The following SEMA3D variants were observed in gnomAD, a reference collection of about 807,000 sequenced individuals.
SEMA3D encodes the protein semaphorin 3D, also known as semaphorin-3D.
Under a neutral mutation model 100.1 loss-of-function variants are expected in SEMA3D, and 84 were observed. The observed-to-expected ratio is 0.84, with a 90% confidence interval of 0.70 to 1.01. SEMA3D has a LOEUF of 1.01. Among genes scored for constraint, SEMA3D ranks in the 50% least tolerant of loss-of-function variants. The pLI is 0.00. For synonymous variants in SEMA3D, 312 were observed against 320.7 expected (o/e 0.97, Z 0.29); for missense variants, 875 against 934.1 (o/e 0.94, Z 0.82).
chr7:85,230,065 T>C, the SEMA3D span, among the ~76,000 whole-genome samples: 1 of 152,192 alleles, frequency 6.6e-6, no homozygotes, highest in Non-Finnish European at 1.5e-5. Context: ...CTCTTACTAC[T>C]TCCAGATAAA....
chr7:85,100,081 A>G (rs1375794859), intron 3 of SEMA3D, among the ~76,000 whole-genome samples: 1 of 152,008 alleles, frequency 6.6e-6, no homozygotes, highest in Non-Finnish European at 1.5e-5. Context: ...AAAGAAAGAA[A>G]CTGAATCCCA....
intron 17 of SEMA3D, among the ~76,000 whole-genome samples, chr7:85,008,634 A>T (rs1427628484): frequency 2.0e-5 from 3 of 151,890 alleles, no homozygotes; most frequent in East Asian, 3.9e-4. Context: ...CACAGACATA[A>T]ACCACAAGTG....
chr7:85,184,984 A>T (rs1791501314), intron 1 of SEMA3D, among the ~76,000 whole-genome samples: 1 of 152,202 alleles, frequency 6.6e-6, no homozygotes, highest in South Asian at 2.1e-4. Context: ...GGAGAAGGAA[A>T]AGGAGAAGGG....
chr7:85,129,453 A>AT (rs1044091492), intron 2 of SEMA3D, among the ~76,000 whole-genome samples: 14 of 152,064 alleles, frequency 9.2e-5, no homozygotes, highest in Admixed American at 3.9e-4. Flanking sequence ...AAAAATTGAA[A>AT]TTTTTTTGTT....
At chr7:85,195,290 T>C in the SEMA3D span, among the ~76,000 whole-genome samples, 27 of 152,148 alleles carry the variant, frequency 1.8e-4, no homozygotes, top group Non-Finnish European at 3.4e-4. Flanking sequence ...TGGGCCTCTG[T>C]AGCTAGCAGC....
chr7:85,145,622 C>T (rs1554348027), intron 2 of SEMA3D, among the ~76,000 whole-genome samples: 2 of 151,546 alleles, frequency 1.3e-5, no homozygotes, highest in South Asian at 4.2e-4. Flanking sequence ...TTTAATAATA[C>T]AAAAAGCCAA....
rs759161669 is a variant in SEMA3D at position 84,999,755 on chromosome 7, G to A, written c.2019C>T (p.Ile673=). ...YYCKAQEHTF[I]HTIVKLTLNV... ...TCAAAGTCAGCTTCACTATGGTGTG[G>A]ATGAAAGTGTGCTCCTGGGCTTTGC... is the stretch of plus-strand genomic sequence containing the variant. Residue 673 remains isoleucine, a synonymous_variant, in exon 19 of 19, where the codon ATC becomes ATT. Transcript: ENST00000284136. 2.5e-6 allele frequency: 4 copies of A among 1,613,996 alleles called. No individual in the cohort carries two copies. Among genetic ancestry groups the A allele is most frequent in the Non-Finnish European group, 3.4e-6 (4 of 1,179,994 alleles).
chr7:85,109,593 T>C (rs1051490496), intron 3 of SEMA3D, among the ~76,000 whole-genome samples: 1 of 151,982 alleles, frequency 6.6e-6, no homozygotes. Context: ...TATGCCTCTT[T>C]TGAATTAGTT....
chr7:85,190,087 A>G (rs1791660066), upstream of SEMA3D, among the ~76,000 whole-genome samples: 1 of 152,136 alleles, frequency 6.6e-6, no homozygotes. Flanking sequence ...GCTTAAATCT[A>G]GCAGAAGATT....
At chr7:85,065,590 T>A (rs1054530411) in intron 7 of SEMA3D, 38 bp from the exon 8 acceptor site, 12 of 1,565,174 alleles carry the variant, frequency 7.7e-6, no homozygotes, top group African/African-American at 1.4e-5. Context: ...CTTTTAAGAG[T>A]ACAGCAGTAG....
Position 85,097,787 on chromosome 7 carries a change from A to G in SEMA3D, c.312+18T>C. ...AAAATAAATGAATTTAACCAAATGT[A>G]TATATAAATATACTGACCTTCTTAA... is the stretch of plus-strand genomic sequence containing the variant. On this transcript the variant is annotated intron_variant, in intron 4 of 18. Coordinates refer to ENST00000284136, the MANE Select transcript of SEMA3D (RefSeq NM_001384900.1). The G allele has an allele frequency of 2.8e-6, 4 of 1,429,926 alleles. No homozygotes were observed. Among genetic ancestry groups the G allele is most frequent in the Non-Finnish European group, 3.9e-6 (4 of 1,036,738 alleles). The allele number at this position is 1,429,926 out of a possible 1,614,324, so 88.6% of individuals were successfully genotyped here.
At chr7:85,233,337 T>C in the SEMA3D span, among the ~76,000 whole-genome samples, 1 of 152,214 alleles carries the variant, frequency 6.6e-6, no homozygotes. Context: ...AGATGATTAG[T>C]ACCCTCAAAT....
chr7:85,123,174 G>C (rs948895624), intron 2 of SEMA3D, among the ~76,000 whole-genome samples: 1 of 152,182 alleles, frequency 6.6e-6, no homozygotes, highest in African/African-American at 2.4e-5. Context: ...GCTAGAGTCT[G>C]CTTTCTTCAC....
chr7:85,129,564 C>T (rs1789666941), intron 2 of SEMA3D, among the ~76,000 whole-genome samples: 2 of 151,938 alleles, frequency 1.3e-5, no homozygotes, highest in Non-Finnish European at 2.9e-5. Flanking sequence ...ATATGTAAGC[C>T]TGCTTATACA....
the SEMA3D span, among the ~76,000 whole-genome samples, chr7:85,210,301 C>T: frequency 6.6e-6 from 1 of 152,148 alleles, no homozygotes; most frequent in East Asian, 1.9e-4. Flanking sequence ...AGTCATAACA[C>T]AAATAATTTT....
chr7:85,138,551 T>C (rs1789931139), intron 2 of SEMA3D, among the ~76,000 whole-genome samples: 1 of 150,228 alleles, frequency 6.7e-6, no homozygotes, highest in South Asian at 2.1e-4. Flanking sequence ...TTATATTACA[T>C]GTGTATTAAC....
At chr7:85,228,685 C>T in the SEMA3D span, among the ~76,000 whole-genome samples, 2 of 151,904 alleles carry the variant, frequency 1.3e-5, no homozygotes, top group East Asian at 3.9e-4. Context: ...CATCCTTTAT[C>T]TTATCTCATC....
chr7:85,217,259 C>A, the SEMA3D span, among the ~76,000 whole-genome samples: 3 of 151,948 alleles, frequency 2.0e-5, no homozygotes. Flanking sequence ...TTAGCATCGC[C>A]CTCAGTGATA....
At chr7:85,209,280 G>C in the SEMA3D span, among the ~76,000 whole-genome samples, 2 of 151,786 alleles carry the variant, frequency 1.3e-5, no homozygotes, top group African/African-American at 2.4e-5. Flanking sequence ...ATATACGTGT[G>C]TGTATATATA....
Sources: allele counts gnomAD v4.1 joint callset (sites outside exome capture counted in the v4.1 genomes callset), GRCh38; gene constraint gnomAD v4.1.1; transcripts MANE v1.5; gene names NCBI Gene and HGNC (gene_info 2026-07-23, HGNC 2026-07-21).